ST6GAL2: variants seen among roughly 807,000 people sequenced by gnomAD.
ST6GAL2 encodes ST6 beta-galactoside alpha-2,6-sialyltransferase 2.
A neutral mutation model predicts 37.5 loss-of-function variants in ST6GAL2; 24 were observed. The ratio of observed to expected loss-of-function variants is 0.64; its 90% CI spans 0.46 to 0.90. The LOEUF (loss-of-function observed/expected upper bound fraction) is 0.90, where lower values mean the gene tolerates loss of function less well. Ranked by LOEUF, ST6GAL2 falls within the 40% of genes least tolerant of loss-of-function variation. The probability of loss-of-function intolerance (pLI) is 0.00; values close to 1 mark genes in which losing one functional copy is unlikely to be tolerated. For synonymous variants in ST6GAL2, 306 were observed against 295.1 expected (o/e 1.04, Z -0.38); for missense variants, 715 against 712.7 (o/e 1.00, Z -0.04).
chr2:106,815,253 T>C (rs1675757578), intron 5 of ST6GAL2, among the ~76,000 whole-genome samples: 1 of 152,222 alleles, frequency 6.6e-6, no homozygotes, highest in Admixed American at 6.5e-5. Context: ...CAGAATGCCA[T>C]ACCCTTTGCA....
At chr2:106,827,010 T>G (rs1031473867) in intron 5 of ST6GAL2, among the ~76,000 whole-genome samples, 1 of 152,198 alleles carries the variant, frequency 6.6e-6, no homozygotes, top group African/African-American at 2.4e-5. Context: ...GAGCTGAAGA[T>G]GGGACTGTGC....
At chr2:106,817,274 C>G (rs147128814) in intron 5 of ST6GAL2, among the ~76,000 whole-genome samples, 1 of 152,234 alleles carries the variant, frequency 6.6e-6, no homozygotes. Flanking sequence ...CTTCCCCCAA[C>G]TCCAGGCAGC....
At chr2:106,830,661 G>A (rs1291556113) in intron 4 of ST6GAL2, among the ~76,000 whole-genome samples, 1 of 152,174 alleles carries the variant, frequency 6.6e-6, no homozygotes, top group East Asian at 1.9e-4. Context: ...TATTAAAACA[G>A]GTGGTGGCTA....
intron 1 of ST6GAL2, among the ~76,000 whole-genome samples, chr2:106,879,535 A>G (rs994655062): frequency 2.0e-5 from 3 of 152,052 alleles, no homozygotes; most frequent in South Asian, 2.1e-4. Context: ...AATTTTGAAC[A>G]TCAGGCAGAA....
chr2:106,884,906 C>CATATATATATATATATATATATAT (rs772381082), intron 1 of ST6GAL2, among the ~76,000 whole-genome samples: 1 of 76,494 alleles, frequency 1.3e-5, no homozygotes, highest in South Asian at 4.7e-4. Context: ...ATTTGCAGCG[C>CATATATATATATATATATATATAT]ATATATATAT....
intron 1 of ST6GAL2, among the ~76,000 whole-genome samples, chr2:106,850,299 GCTCT>G (rs1677305979): frequency 6.6e-6 from 1 of 152,160 alleles, no homozygotes; most frequent in Non-Finnish European, 1.5e-5. Flanking sequence ...GGCAGAGTTT[GCTCT>G]CTCTGCCCGC....
At chr2:106,870,150 C>T (rs1678204585) in intron 1 of ST6GAL2, among the ~76,000 whole-genome samples, 1 of 152,054 alleles carries the variant, frequency 6.6e-6, no homozygotes, top group Non-Finnish European at 1.5e-5. Context: ...TCATCTGATA[C>T]CCACAGAATG....
intron 5 of ST6GAL2, among the ~76,000 whole-genome samples, chr2:106,811,615 A>G (rs1675613384): frequency 6.6e-6 from 1 of 152,184 alleles, no homozygotes; most frequent in African/African-American, 2.4e-5. Flanking sequence ...GATGGCTTGA[A>G]GAAAGTATCC....
At chr2:106,881,499 T>C (rs1678749032) in intron 1 of ST6GAL2, among the ~76,000 whole-genome samples, 1 of 152,216 alleles carries the variant, frequency 6.6e-6, no homozygotes, top group Admixed American at 6.5e-5. Context: ...TTATGGGTTT[T>C]TGGCACATAG....
chr2:106,883,059 T>C (rs773634785), intron 1 of ST6GAL2, among the ~76,000 whole-genome samples: 5 of 152,200 alleles, frequency 3.3e-5, no homozygotes, highest in Non-Finnish European at 5.9e-5. Flanking sequence ...CTAGGACCAA[T>C]GCTGGAGCTG....
intron 1 of ST6GAL2, among the ~76,000 whole-genome samples, chr2:106,879,106 C>A (rs969438052): frequency 2.0e-5 from 3 of 152,100 alleles, no homozygotes; most frequent in Admixed American, 1.3e-4. Flanking sequence ...CTAAAGCTTT[C>A]CTTTCACCCA....
chr2:106,856,395 T>C (rs1242625587), intron 1 of ST6GAL2, among the ~76,000 whole-genome samples: 3 of 152,190 alleles, frequency 2.0e-5, no homozygotes, highest in Non-Finnish European at 4.4e-5. Context: ...TGAGTCTCTG[T>C]AGACCCAAAC....
intron 1 of ST6GAL2, among the ~76,000 whole-genome samples, chr2:106,846,205 T>A (rs2104530907): frequency 6.6e-6 from 1 of 152,330 alleles, no homozygotes; most frequent in Non-Finnish European, 1.5e-5. Flanking sequence ...GCCCAGTCAG[T>A]CAACGGTGAG....
intron 2 of ST6GAL2, 126 bp downstream of exon 2, chr2:106,842,909 A>T: frequency 1.7e-6 from 1 of 583,472 alleles, no homozygotes; most frequent in Non-Finnish European, 2.7e-6. Flanking sequence ...AGCTAATATT[A>T]GGAACACCTG....
At position 106,861,733 on chromosome 2, in the gene ST6GAL2, C is replaced by T. The variant is rs6752185; in HGVS notation, c.-57-17699G>A. On this transcript the variant is annotated intron_variant, in intron 1 of 5. Coordinates refer to ENST00000409382, the MANE Select transcript of ST6GAL2 (RefSeq NM_001142351.2). ...TCAACCTGTGTCTCCCAGGTTCAAG[C>T]GATTCTCCCACCTCAGCCTCCCGAA... Among the ~76,000 whole-genome samples, 310 of 151,790 alleles carry T rather than the reference C, an allele frequency of 2.0e-3. 1 individual carries two copies. The highest frequency in any genetic ancestry group is 0.01 in the Middle Eastern group (3 of 294).
At position 106,806,749 on chromosome 2, in the gene ST6GAL2, C is replaced by T; in HGVS notation, c.1519G>A (p.Gly507Ser). The change falls in exon 6 of 6, where the codon GGC becomes AGC. Residue 507 changes from glycine (G) to serine (S), a missense_variant. By Grantham distance (56) the Gly-to-Ser change is moderately conservative (BLOSUM62 0). This residue lies in a region of ST6GAL2 where 198 missense variants were observed against 203.6 expected (regional missense o/e 0.97). Transcript: ENST00000409382. Reference sequence around the variant, plus strand: ...TGGAAGCCGGGAAGAACCACCTTGCCCTTGCGATGCAAATCCCCCTGCGTG... The same window carrying T: ...TGGAAGCCGGGAAGAACCACCTTGCTCTTGCGATGCAAATCCCCCTGCGTG... ...MGTQGDLHRK[G>S]KVVLPGFQAV... 1 of 1,614,208 alleles carries T rather than the reference C, an allele frequency of 6.2e-7. No homozygotes were observed. Among genetic ancestry groups the T allele is most frequent in the Non-Finnish European group, 8.5e-7 (1 of 1,180,044 alleles).
chr2:106,839,008 C>G (rs568323850), intron 2 of ST6GAL2, among the ~76,000 whole-genome samples: 5 of 152,096 alleles, frequency 3.3e-5, no homozygotes, highest in Admixed American at 6.5e-5. Context: ...TACACTCCAG[C>G]CTGTGCAACA....
intron 5 of ST6GAL2, among the ~76,000 whole-genome samples, chr2:106,807,689 C>T (rs917531235): frequency 4.2e-5 from 6 of 143,548 alleles, no homozygotes; most frequent in African/African-American, 7.7e-5. Context: ...AGTGCAGTGG[C>T]GCGATCTCAC....
intron 1 of ST6GAL2, among the ~76,000 whole-genome samples, chr2:106,864,212 A>G (rs958417711): frequency 6.6e-6 from 1 of 151,652 alleles, no homozygotes; most frequent in Non-Finnish European, 1.5e-5. Context: ...ACCAAAACCA[A>G]CCTCTCTCCC....
Sources: gnomAD v4.1 joint callset for allele counts (sites outside exome capture counted in the v4.1 genomes callset) on GRCh38, gnomAD v4.1.1 for gene constraint, gnomAD v4.1.1 regional missense constraint, MANE v1.5 for transcripts, NCBI Gene and HGNC (gene_info 2026-07-23, HGNC 2026-07-21) for gene names.